Variants in SBF2 observed in about 807,000 individuals in gnomAD.
SBF2 encodes SET binding factor 2.
SBF2 carries 112 observed loss-of-function variants against 225.2 expected under a neutral mutation model. The ratio of observed to expected loss-of-function variants is 0.50; its 90% confidence interval spans 0.43 to 0.58. The LOEUF is 0.58. Among genes scored for constraint, SBF2 ranks in the 20% least tolerant of loss-of-function variants. SBF2 has a pLI of 0.00. For missense variants in SBF2, 1,996 were observed against 2,206.2 expected, an observed-to-expected ratio of 0.90 and a Z score of 1.91; for synonymous variants, 763 against 773.3, an observed-to-expected ratio of 0.99 and a Z score of 0.22.
chr11:9,880,821 A>T (rs1409696004), intron 17 of SBF2, among the ~76,000 whole-genome samples: 1 of 152,250 alleles, frequency 6.6e-6, no homozygotes, highest in African/African-American at 2.4e-5. Context: ...CATGGATTGC[A>T]GCTATCCTAG....
At chr11:9,799,129 A>C (rs533853614) in intron 32 of SBF2, among the ~76,000 whole-genome samples, 51 of 152,270 alleles carry the variant, frequency 3.3e-4, no homozygotes, top group Admixed American at 1.6e-3. Flanking sequence ...CCCACTTCTG[A>C]GGTAACAGTA....
At chr11:10,189,122 T>C (rs1403768068) in intron 2 of SBF2, among the ~76,000 whole-genome samples, 3 of 152,198 alleles carry the variant, frequency 2.0e-5, no homozygotes, top group Admixed American at 6.5e-5. Context: ...TTAAAATCTG[T>C]CTTCTTCTAT....
At chr11:10,156,932 T>C (rs115284800) in intron 2 of SBF2, among the ~76,000 whole-genome samples, 11,274 of 152,242 alleles carry the variant, frequency 0.074, 606 homozygotes, top group East Asian at 0.28. Context: ...ATAATTCATA[T>C]GGAACCAAAA....
chr11:10,128,572 T>C lies in SBF2; in HGVS notation c.141+65330A>G, dbSNP rs936242342. 3.9e-5 allele frequency among the ~76,000 whole-genome samples: 6 copies of C among 152,180 alleles called. No homozygotes were observed. In the East Asian group the frequency reaches 5.8e-4, roughly 15 times the overall value. On this transcript the variant is annotated intron_variant, in intron 2 of 39. Transcript: ENST00000256190. ...AACATGCTCTAATCCCAAGAACATA[T>C]GCTAGATAAAGAAAAATAATCTGTA...
chr11:10,046,783 A>G (rs1419425838), intron 2 of SBF2, among the ~76,000 whole-genome samples: 1 of 151,648 alleles, frequency 6.6e-6, no homozygotes, highest in African/African-American at 2.4e-5. Flanking sequence ...ACGCAATAAA[A>G]TGAAAAAAAT....
chr11:10,175,432 T>A (rs1956417779), intron 2 of SBF2, among the ~76,000 whole-genome samples: 1 of 149,368 alleles, frequency 6.7e-6, no homozygotes, highest in South Asian at 2.2e-4. Flanking sequence ...TACATAATGG[T>A]AAAGGGATCA....
intron 2 of SBF2, among the ~76,000 whole-genome samples, chr11:10,160,364 C>T (rs760198627): frequency 6.6e-6 from 1 of 152,126 alleles, no homozygotes; most frequent in Non-Finnish European, 1.5e-5. Context: ...AAAACCTTGC[C>T]TCTTTCCATC....
intron 2 of SBF2, among the ~76,000 whole-genome samples, chr11:10,057,727 A>G (rs1950301700): frequency 1.3e-5 from 2 of 152,288 alleles, no homozygotes; most frequent in Non-Finnish European, 2.9e-5. Flanking sequence ...CATGAACTAC[A>G]GCCAGTACTC....
intron 1 of SBF2, among the ~76,000 whole-genome samples, chr11:10,262,787 T>A (rs373118257): frequency 6.6e-6 from 1 of 152,162 alleles, no homozygotes; most frequent in Non-Finnish European, 1.5e-5. Flanking sequence ...TAATGAAATA[T>A]CCTATACCTG....
chr11:9,789,321 C>T lies in SBF2; in HGVS notation c.4720G>A (p.Val1574Ile), dbSNP rs186823023. The T allele has an allele frequency of 2.2e-5, 35 of 1,614,010 alleles. No individual in the cohort carries two copies. The highest frequency in any genetic ancestry group is 6.7e-5 in the African/African-American group (5 of 75,024). ...TAATCCCACTTCTTGAGGCTAGAGA[C>T]GTTTACATTGGGCTTTAGAGCCTGT... is the stretch of plus-strand genomic sequence containing the variant. ...EIEALKPNVN[V>I]SSLKKWDYYI... The change falls in exon 35 of 40, where the codon GTC (valine) becomes ATC (isoleucine). Residue 1574 changes from valine to isoleucine, a missense_variant. Physicochemically the swap from Val to Ile is conservative, Grantham distance 29 (BLOSUM62 3). Transcript: ENST00000256190.
upstream of SBF2, among the ~76,000 whole-genome samples, chr11:10,296,143 G>T (rs910139596): frequency 6.6e-6 from 1 of 152,028 alleles, no homozygotes; most frequent in African/African-American, 2.4e-5. Context: ...CAATATGTGG[G>T]TTTTTTGTGT....
At chr11:9,928,940 C>T (rs182532987) in intron 16 of SBF2, 9 of 432,290 alleles carry the variant, frequency 2.1e-5, no homozygotes, top group Non-Finnish European at 2.6e-5. Context: ...TTTTCTTGTT[C>T]GAGTTCAAAA....
rs146832491 is a variant in SBF2 at position 9,933,949 on chromosome 11, A to T, written c.1860+28008T>A. 9.2e-5 allele frequency among the ~76,000 whole-genome samples: 14 copies of T among 152,248 alleles called. No individual in the cohort carries two copies. The East Asian group carries it at 2.7e-3, about 29-fold the overall frequency. ...AAAGAAGAAAAGAGAGAAGAATCAA[A>T]CAGATGCAATAAAAAAATGCTACTC... On this transcript the variant is annotated intron_variant, in intron 16 of 39. Coordinates refer to ENST00000256190, the MANE Select transcript of SBF2 (RefSeq NM_030962.4).
intron 1 of SBF2, among the ~76,000 whole-genome samples, chr11:10,236,673 A>G (rs1182267191): frequency 2.0e-5 from 3 of 152,166 alleles, no homozygotes; most frequent in Admixed American, 2.0e-4. Flanking sequence ...TTGGTTGGCC[A>G]GGATGGTCTC....
intron 6 of SBF2, among the ~76,000 whole-genome samples, chr11:10,006,344 T>C (rs1283271638): frequency 6.6e-6 from 1 of 152,244 alleles, no homozygotes; most frequent in Non-Finnish European, 1.5e-5. Flanking sequence ...ATCCTGCCTC[T>C]GTCTGTTGGT....
chr11:9,867,056 T>C (rs763712010), intron 17 of SBF2, among the ~76,000 whole-genome samples: 4 of 152,178 alleles, frequency 2.6e-5, no homozygotes, highest in Non-Finnish European at 5.9e-5. Context: ...AGACCTAGTA[T>C]TTGATAGCAC....
intron 2 of SBF2, among the ~76,000 whole-genome samples, chr11:10,169,084 T>G (rs56013107): frequency 0.011 from 1,612 of 152,266 alleles, 35 homozygotes; most frequent in African/African-American, 0.036. Context: ...GTATATACAT[T>G]TATCAGGTAC....
Position 9,808,076 on chromosome 11 carries a change from CTCTGACTGAAT to C in SBF2, c.4356_4366del (p.Phe1453GlufsTer33). The C allele has an allele frequency of 6.2e-7, 1 of 1,614,170 alleles. No homozygotes were observed. Among genetic ancestry groups the C allele is most frequent in the Non-Finnish European group, 8.5e-7 (1 of 1,180,024 alleles). On this transcript the variant is annotated frameshift_variant, in exon 32 of 40. Coordinates refer to ENST00000256190, the MANE Select transcript of SBF2 (RefSeq NM_030962.4). LOFTEE classifies it high-confidence loss of function. The stretch of plus-strand genomic sequence containing the variant: ...CTGACAGTTGAGGGTCAAGCTGCTC[CTCTGACTGAAT>C]TTGTGACCAAAAGAGAGCCACTCTT...
chr11:9,863,294 G>A (rs1857913974), intron 17 of SBF2, among the ~76,000 whole-genome samples: 3 of 152,168 alleles, frequency 2.0e-5, no homozygotes, highest in African/African-American at 7.2e-5. Context: ...TCAGCATGAG[G>A]GGCCTGTTGA....
Sources: gnomAD v4.1 joint callset for allele counts (sites outside exome capture counted in the v4.1 genomes callset) on GRCh38, gnomAD v4.1.1 for gene constraint, MANE v1.5 for transcripts, NCBI Gene and HGNC (gene_info 2026-07-23, HGNC 2026-07-21) for gene names.